Variants in MAP4 observed in about 807,000 individuals in gnomAD.
MAP4 encodes the protein microtubule-associated protein 4.
Under a neutral mutation model 170.2 loss-of-function variants are expected in MAP4, and 76 were observed. The observed-to-expected ratio is 0.45, with a 90% CI of 0.37 to 0.54. MAP4 has a LOEUF of 0.54. MAP4 is among the 20% of genes least tolerant of loss of function. The pLI, the probability that MAP4 is intolerant of heterozygous loss-of-function variation, is 0.00. For missense variants in MAP4, 2,506 were observed against 2,748.0 expected, an observed-to-expected ratio of 0.91 and a Z score of 1.97; for synonymous variants, 909 against 994.5, an observed-to-expected ratio of 0.91 and a Z score of 1.62.
chr3:48,083,898 G>A (rs2100147810), intron 1 of MAP4, among the ~76,000 whole-genome samples: 1 of 149,648 alleles, frequency 6.7e-6, no homozygotes, highest in Non-Finnish European at 1.5e-5. Context: ...GCTAATTTTT[G>A]TATTTTAGTA....
At chr3:47,959,136 T>A (rs2100069756) in intron 3 of MAP4, among the ~76,000 whole-genome samples, 1 of 151,656 alleles carries the variant, frequency 6.6e-6, no homozygotes, top group South Asian at 2.1e-4. Flanking sequence ...TTAAGAAAAT[T>A]TGAGCATTTC....
chr3:47,944,043 GGCTCAC>G (rs2100058157), intron 3 of MAP4, among the ~76,000 whole-genome samples: 1 of 152,086 alleles, frequency 6.6e-6, no homozygotes, highest in Non-Finnish European at 1.5e-5. Flanking sequence ...AAGGCGTGGT[GGCTCAC>G]GCCTGTAATC....
chr3:48,068,932 A>C (rs2100139702), intron 1 of MAP4, among the ~76,000 whole-genome samples: 1 of 152,230 alleles, frequency 6.6e-6, no homozygotes, highest in Non-Finnish European at 1.5e-5. Context: ...TTTTAAAGTC[A>C]GTGTGTATTG....
chr3:48,079,813 G>A lies in MAP4; in HGVS notation c.-20+8960C>T, dbSNP rs189748351. Reference sequence around the variant, plus strand: ...ATAATACAAAAAATTAGCTGGGCACGGTGGCAGGTACTTGTAGTCCCAGCT... The same window carrying A: ...ATAATACAAAAAATTAGCTGGGCACAGTGGCAGGTACTTGTAGTCCCAGCT... On this transcript the variant is annotated intron_variant, in intron 1 of 18. Coordinates refer to the MAP4 transcript ENST00000360240. Among the ~76,000 whole-genome samples the A allele has an allele frequency of 5.3e-5, 8 of 152,044 alleles. No homozygotes were observed. In the East Asian group the frequency reaches 1.5e-3, roughly 29 times the overall value.
chr3:48,000,434 A>G (rs1340011993), intron 1 of MAP4, among the ~76,000 whole-genome samples: 4 of 152,136 alleles, frequency 2.6e-5, no homozygotes, highest in Non-Finnish European at 5.9e-5. Context: ...CCTTAGTTGC[A>G]CAATGTAATG....
intron 18 of MAP4, among the ~76,000 whole-genome samples, chr3:47,856,794 T>A (rs577190126): frequency 6.6e-6 from 1 of 152,240 alleles, no homozygotes; most frequent in African/African-American, 2.4e-5. Flanking sequence ...ATACCAGGTC[T>A]GCCAGCCAGT....
At chr3:48,050,419 G>A (rs1169758791) in intron 1 of MAP4, among the ~76,000 whole-genome samples, 1 of 151,664 alleles carries the variant, frequency 6.6e-6, no homozygotes, top group Non-Finnish European at 1.5e-5. Context: ...AATGAGTCCA[G>A]GACACAAACT....
intron 1 of MAP4, among the ~76,000 whole-genome samples, chr3:48,039,000 G>A (rs1356323821): frequency 1.3e-5 from 2 of 151,972 alleles, no homozygotes; most frequent in Non-Finnish European, 2.9e-5. Flanking sequence ...TATTTGGGAG[G>A]GCTAAGATAG....
chr3:47,892,614 C>T, intron 10 of MAP4: 3 of 1,422,410 alleles, frequency 2.1e-6, no homozygotes, highest in Non-Finnish European at 2.7e-6. Context: ...TCATCTCTCC[C>T]TCAATGCCCC....
chr3:47,980,149 C>T (rs561876949), intron 2 of MAP4, among the ~76,000 whole-genome samples: 2 of 152,152 alleles, frequency 1.3e-5, no homozygotes, highest in East Asian at 3.9e-4. Flanking sequence ...TGTTTCTTTG[C>T]TTTTCCATAT....
intron 1 of MAP4, among the ~76,000 whole-genome samples, chr3:48,070,319 A>G (rs2100140324): frequency 6.6e-6 from 1 of 150,476 alleles, no homozygotes; most frequent in Admixed American, 6.6e-5. Flanking sequence ...GTGAGCCACC[A>G]TGCCCAACCA....
chr3:47,933,494 G>C (rs1232034358), intron 3 of MAP4, among the ~76,000 whole-genome samples: 1 of 151,922 alleles, frequency 6.6e-6, no homozygotes, highest in Non-Finnish European at 1.5e-5. Context: ...CTGGAGTGCG[G>C]TAGTACGATC....
At chr3:47,884,598 T>C (rs1480652319) in intron 10 of MAP4, among the ~76,000 whole-genome samples, 1 of 152,170 alleles carries the variant, frequency 6.6e-6, no homozygotes, top group Non-Finnish European at 1.5e-5. Context: ...TCCCTTTTGG[T>C]ACTGCCTGAA....
intron 10 of MAP4, chr3:47,892,304 T>A (rs2100024439): frequency 2.0e-6 from 3 of 1,536,132 alleles, no homozygotes; most frequent in Non-Finnish European, 2.6e-6. Context: ...CACAAGCCCA[T>A]CTTTTGGTTG....
intron 1 of MAP4, among the ~76,000 whole-genome samples, chr3:48,074,338 T>A (rs911901294): frequency 6.9e-6 from 1 of 145,810 alleles, no homozygotes; most frequent in Non-Finnish European, 1.5e-5. Flanking sequence ...GGGAAAGCAT[T>A]AGGAGTTATA....
At chr3:47,886,770 C>T (rs928140288) in intron 10 of MAP4, among the ~76,000 whole-genome samples, 1 of 152,238 alleles carries the variant, frequency 6.6e-6, no homozygotes, top group Admixed American at 6.5e-5. Flanking sequence ...CACAGCATGA[C>T]CTTCAATTCC....
intron 3 of MAP4, among the ~76,000 whole-genome samples, chr3:47,950,626 G>A (rs2154094825): frequency 6.6e-6 from 1 of 152,200 alleles, no homozygotes; most frequent in Admixed American, 6.5e-5. Flanking sequence ...CACATGACTG[G>A]GCTTGGTGGA....
At chr3:48,006,646 G>A (rs1015607214) in intron 1 of MAP4, among the ~76,000 whole-genome samples, 2 of 152,182 alleles carry the variant, frequency 1.3e-5, no homozygotes, top group African/African-American at 4.8e-5. Flanking sequence ...TAAAAAAATA[G>A]TAAATCAAAA....
chr3:47,925,247 G>C, intron 4 of MAP4, among the ~76,000 whole-genome samples: 1 of 152,180 alleles, frequency 6.6e-6, no homozygotes, highest in South Asian at 2.1e-4. Context: ...AGGAGGCAGG[G>C]ATCATTGGAC....
Sources: allele counts gnomAD v4.1 joint callset (sites outside exome capture counted in the v4.1 genomes callset), GRCh38; gene constraint gnomAD v4.1.1; transcripts MANE v1.5; gene names NCBI Gene and HGNC (gene_info 2026-07-23, HGNC 2026-07-21).